PRDM11: variants seen among roughly 807,000 people sequenced by gnomAD.
PRDM11 encodes the protein PR/SET domain 11.
A neutral mutation model predicts 97.8 loss-of-function variants in PRDM11; 20 were observed. The ratio of observed to expected loss-of-function variants is 0.20; its 90% CI spans 0.14 to 0.30. The LOEUF is 0.30. Ranked by LOEUF, PRDM11 falls within the 10% of genes least tolerant of loss-of-function variation. PRDM11 has a pLI of 1.00. For missense variants in PRDM11, 1,139 were observed against 1,555.2 expected (o/e 0.73, Z 4.50); for synonymous variants, 599 against 637.7 (o/e 0.94, Z 0.91).
In PRDM11 at chr11:45,229,192, G is replaced by A. The variant is rs922845418; in HGVS notation, c.*1033G>A. The A allele has an allele frequency of 1.3e-5, 2 of 152,102 alleles. No individual in the cohort carries two copies. Among genetic ancestry groups the A allele is most frequent in the African/African-American group, 4.8e-5 (2 of 41,400 alleles). 9.4% of individuals were successfully genotyped at this position (152,102 alleles called of 1,614,324 possible). On this transcript the variant is annotated 3_prime_UTR_variant, in exon 8 of 8. Coordinates refer to ENST00000683152, the MANE Select transcript of PRDM11 (RefSeq NM_001384648.1). ...TTTATAATCATATCATGTGTTGAGG[G>A]TATTTTTTTTCCTTTAATAATCAAG... is the stretch of plus-strand genomic sequence containing the variant.
rs189446347 is a variant in PRDM11 at position 45,159,038 on chromosome 11, C to T, written c.-7+12161C>T. 5.3e-5 allele frequency among the ~76,000 whole-genome samples: 8 copies of T among 152,272 alleles called. No homozygotes were observed. In the East Asian group the frequency reaches 5.8e-4, roughly 11 times the overall value. ...GCCCTGTCCCAGTTCCCTCAGCTAC[C>T]GGTGAGGAAAGGACCCACTGGCCCA... On this transcript the variant is annotated intron_variant, in intron 1 of 7. Transcript: ENST00000683152.
At chr11:45,164,467 T>TG (rs1852011033) in intron 1 of PRDM11, among the ~76,000 whole-genome samples, 3 of 152,240 alleles carry the variant, frequency 2.0e-5, no homozygotes, top group Admixed American at 2.0e-4. Flanking sequence ...ATTTCCCATC[T>TG]GGGGGCGTGC....
intron 1 of PRDM11, chr11:45,147,318 G>T (rs2135676416): frequency 6.6e-6 from 1 of 151,866 alleles, no homozygotes; most frequent in East Asian, 2.0e-4. Flanking sequence ...GCCGACGCCA[G>T]AGGGCTCGCC....
Position 45,128,081 on chromosome 11 carries a change from T to A in PRDM11, c.96+32180T>A, listed in dbSNP as rs576090311. Among the ~76,000 whole-genome samples, 33 of 152,330 alleles carry A rather than the reference T, an allele frequency of 2.2e-4. No individual in the cohort carries two copies. In the East Asian group the frequency reaches 4.1e-3, roughly 19 times the overall value. ...CCCCTCCCCCAGCCTCGCTGCCACC[T>A]TGCAGTTTGATCTCAGACTGCTGTG... On this transcript the variant is annotated intron_variant, in intron 1 of 6. Transcript: ENST00000530656.
rs770040733 is a variant in PRDM11, at chr11:45,181,866, CAGG to C, written c.103_105del (p.Glu35del). The C allele has an allele frequency of 2.9e-5, 47 of 1,612,992 alleles. No homozygotes were observed. The East Asian group carries it at 7.8e-4, about 27-fold the overall frequency. On this transcript the variant is annotated inframe_deletion, in exon 2 of 8. Coordinates refer to ENST00000683152, the MANE Select transcript of PRDM11 (RefSeq NM_001384648.1). The stretch of plus-strand genomic sequence containing the variant: ...GGAGGTCTGCTCACCACTCCGAGAC[CAGG>C]AGTATGGCCAGCCCTGGTGAGGCCC...
chr11:45,195,346 C>G (rs1853081161), intron 4 of PRDM11, among the ~76,000 whole-genome samples: 1 of 152,088 alleles, frequency 6.6e-6, no homozygotes, highest in African/African-American at 2.4e-5. Flanking sequence ...GCTGTCGTTC[C>G]CCTCTTCCAA....
At chr11:45,196,012 G>A (rs915092123) in intron 4 of PRDM11, among the ~76,000 whole-genome samples, 1 of 152,144 alleles carries the variant, frequency 6.6e-6, no homozygotes, top group Non-Finnish European at 1.5e-5. Context: ...ATGCGGACAC[G>A]TGTTTTTATT....
At chr11:45,152,505 A>G (rs375858270) in intron 1 of PRDM11, among the ~76,000 whole-genome samples, 10 of 152,194 alleles carry the variant, frequency 6.6e-5, no homozygotes, top group South Asian at 2.1e-4. Context: ...GCCTCCCATC[A>G]TTTTAATGCA....
At chr11:45,183,544 C>A (rs1289217735) in intron 4 of PRDM11, among the ~76,000 whole-genome samples, 1 of 152,184 alleles carries the variant, frequency 6.6e-6, no homozygotes, top group Non-Finnish European at 1.5e-5. Context: ...GGGGTAAACC[C>A]TTCAACAAGA....
rs570495237 is a variant in PRDM11 at position 45,122,236 on chromosome 11, C to CACACACACACAG, written c.96+26336_96+26337insCACACACACAGA. 2.9e-3 allele frequency among the ~76,000 whole-genome samples: 420 copies of CACACACACACAG among 144,618 alleles called. 1 individual carries two copies. The highest frequency in any genetic ancestry group is 0.014 in the Middle Eastern group (4 of 282). The allele number at this position is 144,618 out of a possible 152,430, so 94.9% of individuals were successfully genotyped here. Reference sequence around the variant, plus strand: ...ACACACACACACACACACACACACACAGAGAGAAACAGAATATCAGCTAAG... The same window carrying CACACACACACAG: ...ACACACACACACACACACACACACACACACACACACAGAGAGAGAAACAGAATATCAGCTAAG... On this transcript the variant is annotated intron_variant, in intron 1 of 6. Transcript: ENST00000530656.
chr11:45,182,791 C>G (rs1852557984), intron 3 of PRDM11, 70 bp from the exon 4 acceptor site: 2 of 1,486,754 alleles, frequency 1.3e-6, no homozygotes, highest in Non-Finnish European at 1.8e-6. Context: ...GTCAGCCCCT[C>G]TACCTCCCCC....
chr11:45,116,049 G>T (rs1259396714), intron 1 of PRDM11, among the ~76,000 whole-genome samples: 1 of 151,896 alleles, frequency 6.6e-6, no homozygotes, highest in Non-Finnish European at 1.5e-5. Context: ...AGAAAGGCAT[G>T]ACAATTACAA....
At chr11:45,099,107 G>T (rs539315402) in intron 1 of PRDM11, among the ~76,000 whole-genome samples, 2 of 152,294 alleles carry the variant, frequency 1.3e-5, no homozygotes, top group East Asian at 3.9e-4. Context: ...TGGGGCAGGG[G>T]CAGTGGAGCA....
rs767802218 is a variant in PRDM11, at chr11:45,101,567, A to AAAAAAG, written c.96+5668_96+5669insAAAGAA. On this transcript the variant is annotated intron_variant, in intron 1 of 6. Transcript: ENST00000530656. ...CAACACTCTGTCTCAAAAAAAAAAA[A>AAAAAAG]AAGAAGAAGAAGAAGAAGAAGAAGA... 9.9e-4 allele frequency among the ~76,000 whole-genome samples: 96 copies of AAAAAAG among 96,858 alleles called. 5 individuals are homozygous for AAAAAAG. The highest frequency in any genetic ancestry group is 4.2e-3 in the African/African-American group (87 of 20,544). 63.5% of individuals were successfully genotyped at this position (96,858 alleles called of 152,430 possible).
intron 4 of PRDM11, among the ~76,000 whole-genome samples, chr11:45,187,851 G>A (rs1238181401): frequency 6.6e-6 from 1 of 151,548 alleles, no homozygotes; most frequent in Non-Finnish European, 1.5e-5. Context: ...TGTTGGGCAT[G>A]GGTTTTTGGC....
At chr11:45,126,428 G>A (rs1409302313) in intron 1 of PRDM11, among the ~76,000 whole-genome samples, 2 of 152,066 alleles carry the variant, frequency 1.3e-5, no homozygotes, top group East Asian at 1.9e-4. Context: ...TTTCTTCCTA[G>A]CCTTGATGGT....
chr11:45,209,955 G>A (rs1022292896), intron 5 of PRDM11, among the ~76,000 whole-genome samples: 2 of 152,126 alleles, frequency 1.3e-5, no homozygotes, highest in Non-Finnish European at 2.9e-5. Flanking sequence ...GAGAAGGGGA[G>A]GGGAGGCGCG....
chr11:45,178,037 TGCCCACAGGGG>T (rs1852371209), intron 1 of PRDM11, among the ~76,000 whole-genome samples: 1 of 152,208 alleles, frequency 6.6e-6, no homozygotes, highest in African/African-American at 2.4e-5. Flanking sequence ...AGTAATACTT[TGCCCACAGGGG>T]GTGGTTTGCT....
intron 1 of PRDM11, among the ~76,000 whole-genome samples, chr11:45,100,667 G>C (rs1851957506): frequency 6.6e-6 from 1 of 152,216 alleles, no homozygotes. Context: ...CCATCAGCCA[G>C]TCAACAGCTT....
Sources: allele counts gnomAD v4.1 joint callset (sites outside exome capture counted in the v4.1 genomes callset), GRCh38; gene constraint gnomAD v4.1.1; transcripts MANE v1.5; gene names NCBI Gene and HGNC (gene_info 2026-07-23, HGNC 2026-07-21).